Variants in PDE8A observed in about 807,000 individuals in gnomAD.
The protein encoded by PDE8A is phosphodiesterase 8A.
In PDE8A, 59 loss-of-function variants were observed where a neutral mutation model predicts 105.0. That is an observed-to-expected ratio of 0.56 (90% CI 0.46 to 0.70). The LOEUF is 0.70. PDE8A is among the 30% of genes least tolerant of loss of function. The probability of loss-of-function intolerance (pLI) is 0.00; values close to 1 mark genes in which losing one functional copy is unlikely to be tolerated. For missense variants in PDE8A, 1,014 were observed against 1,045.9 expected (o/e 0.97, Z 0.42); for synonymous variants, 355 against 371.9 (o/e 0.95, Z 0.52).
At position 85,138,588 on chromosome 15, in the gene PDE8A, T is replaced by TA. The variant is rs2141669680; in HGVS notation, c.*689dup. ...GACTTATTTTCATAATGCAAATTAA[T>TA]AAAATGACACTTTTACTGCACTATA... On this transcript the variant is annotated 3_prime_UTR_variant, in exon 22 of 22. Transcript: ENST00000394553. The TA allele has an allele frequency of 6.5e-6, 1 of 152,766 alleles. No individual in the cohort carries two copies. Among genetic ancestry groups the TA allele is most frequent in the South Asian group, 2.1e-4 (1 of 4,828 alleles). The allele number at this position is 152,766 out of a possible 1,614,324, so 9.5% of individuals were successfully genotyped here.
At chr15:85,127,859 T>G (rs2082278533) in intron 20 of PDE8A, among the ~76,000 whole-genome samples, 1 of 151,992 alleles carries the variant, frequency 6.6e-6, no homozygotes, top group African/African-American at 2.4e-5. Flanking sequence ...AAGCAAACTT[T>G]AAAAAGTTGG....
chr15:85,116,170 T>A (rs2082094401), intron 16 of PDE8A, 51 bp downstream of exon 16: 1 of 1,589,232 alleles, frequency 6.3e-7, no homozygotes, highest in South Asian at 1.1e-5. Context: ...CCAGGGCCTG[T>A]GTGAGGAGGC....
At chr15:85,070,032 T>C (rs1240680888) in intron 3 of PDE8A, among the ~76,000 whole-genome samples, 1 of 152,178 alleles carries the variant, frequency 6.6e-6, no homozygotes, top group Non-Finnish European at 1.5e-5. Flanking sequence ...AAGAAATCTT[T>C]CCAGGCTCCC....
intron 13 of PDE8A, among the ~76,000 whole-genome samples, 169 bp downstream of exon 13, chr15:85,113,616 A>T (rs1156646301): frequency 6.6e-6 from 1 of 152,168 alleles, no homozygotes; most frequent in African/African-American, 2.4e-5. Context: ...TGGGCATTTT[A>T]ACTAGTCTTA....
At position 85,033,735 on chromosome 15, in the gene PDE8A, G is replaced by A. The variant is rs113613409; in HGVS notation, c.187-30635G>A. ...CAAAAATTAGCTGGGCGTGGTGGCG[G>A]GCGCCTGTAATCCCAGCTGTTCGGG... On this transcript the variant is annotated intron_variant, in intron 1 of 21. Transcript: ENST00000394553. 5.1e-3 allele frequency among the ~76,000 whole-genome samples: 771 copies of A among 152,220 alleles called. 6 individuals carry two copies. The highest frequency in any genetic ancestry group is 0.017 in the Middle Eastern group (5 of 294).
chr15:85,113,909 C>T lies in PDE8A; in HGVS notation c.1222C>T (p.Pro408Ser). ...TATCAATGCTGCCCAGGAAAGTAGT[C>T]CCATGCCTGTGACAGAAGCCCTAGA... Reference protein sequence around the residue: ...NIINAAQESSPMPVTEALDRV... With the variant: ...NIINAAQESSSMPVTEALDRV... The change falls in exon 14 of 22, where the codon CCC becomes TCC. Residue 408 changes from proline to serine, a missense_variant. Pro to Ser is a moderately conservative substitution (Grantham distance 74, BLOSUM62 -1). Coordinates refer to ENST00000394553, the MANE Select transcript of PDE8A (RefSeq NM_002605.3). The T allele has an allele frequency of 6.2e-7, 1 of 1,613,112 alleles. No homozygotes were observed. Among genetic ancestry groups the T allele is most frequent in the South Asian group, 1.1e-5 (1 of 91,046 alleles).
intron 1 of PDE8A, among the ~76,000 whole-genome samples, chr15:84,993,246 A>C (rs547757855): frequency 3.2e-4 from 49 of 151,996 alleles, no homozygotes; most frequent in Admixed American, 1.0e-3. Context: ...GATCAAGACC[A>C]TCCTGGCTAA....
Position 85,130,415 on chromosome 15 carries a change from C to T in PDE8A, c.2253+4041C>T, listed in dbSNP as rs1031799799. Among the ~76,000 whole-genome samples, 13 of 152,284 alleles carry T rather than the reference C, an allele frequency of 8.5e-5. No homozygotes were observed. In the East Asian group the frequency reaches 1.9e-3, roughly 23 times the overall value. ...TCCATTACTGAGTTTTGGTTCATTT[C>T]ACTGTTATTAGAAAAGGTACTTTGT... On this transcript the variant is annotated intron_variant, in intron 20 of 21. Coordinates refer to ENST00000394553, the MANE Select transcript of PDE8A (RefSeq NM_002605.3).
At chr15:85,090,907 A>G (rs1436044274) in intron 7 of PDE8A, 137 bp from the exon 8 acceptor site, 3 of 712,034 alleles carry the variant, frequency 4.2e-6, no homozygotes, top group Non-Finnish European at 7.5e-6. Flanking sequence ...TGGCTTCACA[A>G]CTGCCACGGT....
chr15:85,084,837 G>A (rs909279841), intron 6 of PDE8A, among the ~76,000 whole-genome samples: 1 of 152,068 alleles, frequency 6.6e-6, no homozygotes, highest in Non-Finnish European at 1.5e-5. Flanking sequence ...CATCTACCTT[G>A]TGGTCCTAAA....
intron 1 of PDE8A, among the ~76,000 whole-genome samples, chr15:85,032,373 T>G (rs2080630021): frequency 6.6e-6 from 1 of 152,168 alleles, no homozygotes; most frequent in Non-Finnish European, 1.5e-5. Context: ...ATCTTGTAAA[T>G]GAGAAACCAG....
chr15:85,003,817 A>G (rs1427040182), intron 1 of PDE8A, among the ~76,000 whole-genome samples: 1 of 152,028 alleles, frequency 6.6e-6, no homozygotes, highest in Admixed American at 6.6e-5. Flanking sequence ...TTCTCATTTT[A>G]CCCTGTCCTT....
intron 5 of PDE8A, among the ~76,000 whole-genome samples, chr15:85,081,919 G>A (rs1045232772): frequency 6.6e-6 from 1 of 151,998 alleles, no homozygotes; most frequent in Non-Finnish European, 1.5e-5. Flanking sequence ...ATCCATTTGT[G>A]GAAATGGATA....
chr15:84,998,713 A>G (rs2080018844), intron 1 of PDE8A, among the ~76,000 whole-genome samples: 1 of 152,096 alleles, frequency 6.6e-6, no homozygotes, highest in Non-Finnish European at 1.5e-5. Context: ...TTTCTCCCCA[A>G]ATCATTATGC....
intron 6 of PDE8A, among the ~76,000 whole-genome samples, chr15:85,085,856 C>A (rs2081544105): frequency 6.6e-6 from 1 of 151,358 alleles, no homozygotes; most frequent in South Asian, 2.1e-4. Context: ...AAAAAAAATA[C>A]AAAAAATTAG....
chr15:85,134,105 C>G (rs2082367869), intron 20 of PDE8A, among the ~76,000 whole-genome samples: 1 of 152,200 alleles, frequency 6.6e-6, no homozygotes, highest in Non-Finnish European at 1.5e-5. Flanking sequence ...ACGGGGGCCC[C>G]TGGACGTTCC....
At chr15:85,116,835 G>C (rs2082104124) in intron 16 of PDE8A, among the ~76,000 whole-genome samples, 1 of 152,216 alleles carries the variant, frequency 6.6e-6, no homozygotes, top group South Asian at 2.1e-4. Context: ...TTAACCTTCT[G>C]ATACGTTCTA....
intron 20 of PDE8A, among the ~76,000 whole-genome samples, chr15:85,133,398 G>A (rs113332706): frequency 2.5e-4 from 38 of 152,238 alleles, no homozygotes; most frequent in Admixed American, 1.4e-3. Context: ...TTGCAAATAA[G>A]GTCTGCTCTG....
intron 1 of PDE8A, among the ~76,000 whole-genome samples, chr15:85,029,468 T>A (rs17611171): frequency 0.21 from 31,049 of 150,778 alleles, 4,241 homozygotes; most frequent in Middle Eastern, 0.35. Context: ...AGTCACAAAT[T>A]TGCAGAGACA....
Sources: allele counts gnomAD v4.1 joint callset (sites outside exome capture counted in the v4.1 genomes callset), GRCh38; gene constraint gnomAD v4.1.1; transcripts MANE v1.5; gene names NCBI Gene and HGNC (gene_info 2026-07-23, HGNC 2026-07-21).